The following BZW2 variants were observed in gnomAD, a reference collection of about 807,000 sequenced individuals.
BZW2 encodes eIF5-mimic protein 1.
In BZW2, 23 loss-of-function variants were observed where a neutral mutation model predicts 53.2. The observed-to-expected ratio is 0.43, with a 90% CI of 0.31 to 0.61. The LOEUF (loss-of-function observed/expected upper bound fraction) is 0.61, where lower values mean the gene tolerates loss of function less well. BZW2 is among the 20% of genes least tolerant of loss of function. The pLI is 0.09. For missense variants in BZW2, 409 were observed against 503.1 expected (o/e 0.81, Z 1.79); for synonymous variants, 227 against 186.4 (o/e 1.22, Z -1.77).
chr7:16,683,353 G>C (rs1296345571), intron 5 of BZW2, among the ~76,000 whole-genome samples: 1 of 152,204 alleles, frequency 6.6e-6, no homozygotes, highest in African/African-American at 2.4e-5. Context: ...AGAAATATGT[G>C]ATTATTCTGG....
chr7:16,664,841 C>T (rs1215451693), intron 1 of BZW2, among the ~76,000 whole-genome samples: 1 of 143,494 alleles, frequency 7.0e-6, no homozygotes, highest in Admixed American at 6.7e-5. Flanking sequence ...AGGTTATGCC[C>T]ATGTAAATGT....
intron 11 of BZW2, among the ~76,000 whole-genome samples, chr7:16,705,800 A>C (rs1562501825): frequency 6.7e-6 from 1 of 150,058 alleles, no homozygotes; most frequent in Non-Finnish European, 1.5e-5. Context: ...GTATAAATTT[A>C]ATATATATAA....
In BZW2 at chr7:16,688,395, A is replaced by G. The variant is rs1263677568; in HGVS notation, c.542-1402A>G. ...AGAACACTTCTCCTGAACAGAGGATAATTTATCTTTCCTTCAGCTGATTGG... is the reference window on the plus strand; with the variant it reads ...AGAACACTTCTCCTGAACAGAGGATGATTTATCTTTCCTTCAGCTGATTGG... On this transcript the variant is annotated intron_variant, in intron 6 of 11. Transcript: ENST00000258761. 4 of 152,240 alleles carry G rather than the reference A, an allele frequency of 2.6e-5. No homozygotes were observed. In the East Asian group the frequency reaches 7.7e-4, roughly 29 times the overall value. 9.4% of individuals were successfully genotyped at this position (152,240 alleles called of 1,614,324 possible). A position where few individuals can be genotyped will look rare whatever the true frequency, so the allele number is the denominator to read the frequency against.
chr7:16,680,158 A>C (rs907349509), intron 3 of BZW2, among the ~76,000 whole-genome samples: 17 of 152,158 alleles, frequency 1.1e-4, no homozygotes, highest in African/African-American at 3.9e-4. Context: ...TAGCTACCCA[A>C]GTAGAAGGCA....
intron 2 of BZW2, among the ~76,000 whole-genome samples, chr7:16,672,812 CAA>C (rs1474545301): frequency 1.3e-5 from 2 of 152,122 alleles, no homozygotes; most frequent in Non-Finnish European, 2.9e-5. Flanking sequence ...GAGTCTAAAC[CAA>C]AACTCTTTCC....
At chr7:16,653,463 T>C (rs918089887) in intron 1 of BZW2, among the ~76,000 whole-genome samples, 4 of 152,194 alleles carry the variant, frequency 2.6e-5, no homozygotes, top group Non-Finnish European at 5.9e-5. Context: ...CTCTCTGGCA[T>C]TGCCACTCCA....
chr7:16,652,650 G>A (rs1380844545), intron 1 of BZW2, among the ~76,000 whole-genome samples: 1 of 152,028 alleles, frequency 6.6e-6, no homozygotes, highest in Non-Finnish European at 1.5e-5. Flanking sequence ...TCAGCCTACC[G>A]AGTAGCTGGG....
chr7:16,656,553 GCGCACACACACACA>G lies in BZW2; in HGVS notation c.-7-8882_-7-8869del, dbSNP rs1490631354. On this transcript the variant is annotated intron_variant, in intron 1 of 11. Coordinates refer to ENST00000258761, the MANE Select transcript of BZW2 (RefSeq NM_014038.3). The stretch of plus-strand genomic sequence containing the variant: ...TCATCAAGCACTCCCCAGCGCGCGC[GCGCACACACACACA>G]CACACACACACACACACACACACAC... Among the ~76,000 whole-genome samples the G allele has an allele frequency of 5.9e-3, 706 of 119,914 alleles. 4 individuals carry two copies. The highest frequency in any genetic ancestry group is 0.039 in the Middle Eastern group (10 of 256). 78.7% of individuals were successfully genotyped at this position (119,914 alleles called of 152,430 possible). A position where few individuals can be genotyped will look rare whatever the true frequency, so the allele number is the denominator to read the frequency against.
intron 6 of BZW2, chr7:16,687,027 A>C (rs939887452): frequency 6.6e-6 from 1 of 152,208 alleles, no homozygotes; most frequent in African/African-American, 2.4e-5. Flanking sequence ...TCAACATAGA[A>C]TATAAATGTT....
intron 6 of BZW2, among the ~76,000 whole-genome samples, chr7:16,689,175 G>A (rs918967542): frequency 3.9e-5 from 6 of 152,126 alleles, no homozygotes; most frequent in African/African-American, 1.2e-4. Context: ...GCAGTGAGCC[G>A]AGATCGTGCT....
intron 1 of BZW2, among the ~76,000 whole-genome samples, chr7:16,654,519 C>G (rs1428428018): frequency 2.1e-5 from 3 of 142,074 alleles, no homozygotes; most frequent in African/African-American, 5.1e-5. Context: ...ACCCCCCCCC[C>G]CCAAAAAAAA....
At chr7:16,702,376 A>C (rs1397555927) in intron 10 of BZW2, among the ~76,000 whole-genome samples, 1 of 152,172 alleles carries the variant, frequency 6.6e-6, no homozygotes, top group Non-Finnish European at 1.5e-5. Flanking sequence ...TCTTTCAGCA[A>C]GTAGTTGTTA....
intron 1 of BZW2, among the ~76,000 whole-genome samples, chr7:16,651,354 T>A (rs932706201): frequency 6.6e-6 from 1 of 152,262 alleles, no homozygotes; most frequent in African/African-American, 2.4e-5. Flanking sequence ...CGTTTAGCAC[T>A]GTAGAGAATA....
At chr7:16,697,629 T>A (rs749851518) in intron 9 of BZW2, among the ~76,000 whole-genome samples, 3 of 152,192 alleles carry the variant, frequency 2.0e-5, no homozygotes, top group Non-Finnish European at 2.9e-5. Flanking sequence ...AAGTCAAGGA[T>A]ATTTCTAAAT....
chr7:16,681,418 G>C lies in BZW2; in HGVS notation c.339+14G>C. 1 of 1,604,784 alleles carries C rather than the reference G, an allele frequency of 6.2e-7. No individual in the cohort carries two copies. ...AACTATGCTCAGGTAGAGCCTGTTT[G>C]AGAGACTGAAGCATTTGAAGAGGAC... is the stretch of plus-strand genomic sequence containing the variant. On this transcript the variant is annotated intron_variant, in intron 4 of 11. Transcript: ENST00000258761.
intron 1 of BZW2, among the ~76,000 whole-genome samples, chr7:16,649,837 G>A (rs1267751066): frequency 1.3e-5 from 2 of 152,176 alleles, no homozygotes; most frequent in African/African-American, 4.8e-5. Context: ...CAGAAAGGAA[G>A]AGAGACTGAA....
At chr7:16,699,774 A>G (rs1169711081) in intron 10 of BZW2, among the ~76,000 whole-genome samples, 2 of 152,158 alleles carry the variant, frequency 1.3e-5, no homozygotes, top group African/African-American at 4.8e-5. Flanking sequence ...TTCTCATTTT[A>G]ACCACTAATG....
At chr7:16,674,321 A>C in intron 2 of BZW2, 91 bp from the exon 3 acceptor site, 1 of 1,008,062 alleles carries the variant, frequency 9.9e-7, no homozygotes, top group Non-Finnish European at 1.4e-6. Context: ...TTTTTTTCCT[A>C]TCTTAGATAA....
rs199770355 is a variant in BZW2 at position 16,686,031 on chromosome 7, G to A, written c.532G>A (p.Val178Ile). Residue 178 changes from valine to isoleucine, a missense_variant, in exon 6 of 12, where the codon GTC becomes ATC. Val to Ile is a conservative substitution (Grantham distance 29, BLOSUM62 3). Transcript: ENST00000258761. The stretch of plus-strand genomic sequence containing the variant: ...CACCAGTCTCTTCACCGACAGCTTA[G>A]TCAAAGAAGGTAACGAGGCTCCTGT... ...ILTSLFTDSL[V>I]KEGIAASFAV... 1.2e-5 allele frequency: 19 copies of A among 1,612,018 alleles called. No homozygotes were observed. The Admixed American group carries it at 2.3e-4, about 20-fold the overall frequency.
Sources: allele counts gnomAD v4.1 joint callset (sites outside exome capture counted in the v4.1 genomes callset), GRCh38; gene constraint gnomAD v4.1.1; transcripts MANE v1.5; gene names NCBI Gene and HGNC (gene_info 2026-07-23, HGNC 2026-07-21).